The following SERPINB10 variants were observed in gnomAD, a reference collection of about 807,000 sequenced individuals.
The protein encoded by SERPINB10 is serpin family B member 10.
SERPINB10 carries 35 observed loss-of-function variants against 39.1 expected under a neutral mutation model. That is an observed-to-expected ratio of 0.90 (90% CI 0.68 to 1.19). The LOEUF (loss-of-function observed/expected upper bound fraction) is 1.19. Ranked by LOEUF, SERPINB10 falls within the 50% of genes most tolerant of loss-of-function variation. The pLI is 0.00. For missense variants in SERPINB10, 546 were observed against 460.5 expected (o/e 1.19, Z -1.70); for synonymous variants, 190 against 158.1 (o/e 1.20, Z -1.52).
chr18:63,932,614 C>T (rs1327832726), intron 6 of SERPINB10, among the ~76,000 whole-genome samples: 2 of 152,042 alleles, frequency 1.3e-5, no homozygotes, highest in African/African-American at 4.8e-5. Context: ...ATTATTGTCT[C>T]ATATGTTTTG....
At chr18:63,928,683 A>G (rs565106686) in intron 5 of SERPINB10, among the ~76,000 whole-genome samples, 9 of 152,116 alleles carry the variant, frequency 5.9e-5, no homozygotes, top group Admixed American at 3.9e-4. Flanking sequence ...ATGAACATGG[A>G]ATGTTCTTCC....
In SERPINB10 at chr18:63,933,135, C is replaced by A; in HGVS notation, c.721C>A (p.Leu241Ile). ...AAAGCCAAAAGCAGTGGGCCTTCAA[C>A]TCTACTACAAAAGCCGTGACCTCAG... ...IEKPKAVGLQ[L>I]YYKSRDLSLL... The change falls in exon 7 of 8, where the codon CTC (leucine) becomes ATC (isoleucine). Residue 241 changes from leucine (L) to isoleucine (I), a missense_variant. Physicochemically the swap from Leu to Ile is conservative, Grantham distance 5. Transcript: ENST00000238508. 6.2e-7 allele frequency: 1 copy of A among 1,613,984 alleles called. No individual in the cohort carries two copies. The highest frequency in any genetic ancestry group is 8.5e-7 in the Non-Finnish European group (1 of 1,179,904).
In SERPINB10 at chr18:63,936,074, T is replaced by G. The variant is rs2050261360; in HGVS notation, c.*832T>G. Reference sequence around the variant, plus strand: ...ATTATCTCTGCACCTCTTCTGCCAATCTAAAATTATTCCAAAATAAAAGTT... The same window carrying G: ...ATTATCTCTGCACCTCTTCTGCCAAGCTAAAATTATTCCAAAATAAAAGTT... On this transcript the variant is annotated 3_prime_UTR_variant, in exon 8 of 8. Coordinates refer to ENST00000238508, the MANE Select transcript of SERPINB10 (RefSeq NM_005024.3). The G allele has an allele frequency of 6.6e-6, 1 of 152,232 alleles. No homozygotes were observed. The highest frequency in any genetic ancestry group is 1.5e-5 in the Non-Finnish European group (1 of 68,046). The allele number at this position is 152,232 out of a possible 1,614,324, so 9.4% of individuals were successfully genotyped here.
Position 63,930,191 on chromosome 18 carries a change from G to A in SERPINB10, c.633+4G>A. 6.2e-7 allele frequency: 1 copy of A among 1,611,600 alleles called. No individual in the cohort carries two copies. ...AAAGCCTTTTAGAATAAACGAGGTA[G>A]GAAATTTTTAAAGATCAGTTTGGAT... On this transcript the variant is annotated splice_donor_region_variant and intron_variant, in intron 6 of 7. Transcript: ENST00000238508.
At chr18:63,919,387 C>T (rs538093359) in intron 4 of SERPINB10, among the ~76,000 whole-genome samples, 1 of 152,006 alleles carries the variant, frequency 6.6e-6, no homozygotes, top group Non-Finnish European at 1.5e-5. Flanking sequence ...TATCACAAGC[C>T]TCACTTTGGT....
Position 63,935,412 on chromosome 18 carries a change from G to T in SERPINB10, c.*170G>T, listed in dbSNP as rs1568252447. 3.2e-6 allele frequency: 2 copies of T among 624,638 alleles called. No homozygotes were observed. The highest frequency in any genetic ancestry group is 3.7e-5 in the African/African-American group (2 of 53,702). The allele number at this position is 624,638 out of a possible 1,614,324, so 38.7% of individuals were successfully genotyped here. On this transcript the variant is annotated 3_prime_UTR_variant, in exon 8 of 8. Transcript: ENST00000238508. ...GCATTCTAATGATCCTGTCATATCT[G>T]TACAGCTGGAGAGAATGACGATTTT...
intron 5 of SERPINB10, among the ~76,000 whole-genome samples, chr18:63,922,464 T>C (rs1204107429): frequency 6.6e-6 from 1 of 151,962 alleles, no homozygotes; most frequent in Non-Finnish European, 1.5e-5. Context: ...AGAATGGTGC[T>C]GGAGTTGGGC....
chr18:63,910,635 CT>C (rs2050057363), intron 1 of SERPINB10, among the ~76,000 whole-genome samples: 1 of 151,910 alleles, frequency 6.6e-6, no homozygotes, highest in South Asian at 2.1e-4. Context: ...GATTTAATTC[CT>C]TCTTTCGGTT....
chr18:63,924,430 A>G (rs2050166891), intron 5 of SERPINB10, among the ~76,000 whole-genome samples: 1 of 152,022 alleles, frequency 6.6e-6, no homozygotes, highest in Non-Finnish European at 1.5e-5. Context: ...GAAAGTCAAT[A>G]AACACAATTT....
At chr18:63,928,804 G>A (rs1381489740) in intron 5 of SERPINB10, among the ~76,000 whole-genome samples, 1 of 147,204 alleles carries the variant, frequency 6.8e-6, no homozygotes, top group Non-Finnish European at 1.5e-5. Context: ...TCTCTTTGAA[G>A]CAATTGTGAA....
intron 1 of SERPINB10, among the ~76,000 whole-genome samples, chr18:63,911,162 C>T (rs1373053169): frequency 6.6e-6 from 1 of 151,748 alleles, no homozygotes. Flanking sequence ...GAATTAAGTT[C>T]CTTGTACATA....
chr18:63,927,364 T>G (rs1284565467), intron 5 of SERPINB10, among the ~76,000 whole-genome samples: 2 of 152,072 alleles, frequency 1.3e-5, no homozygotes, highest in Non-Finnish European at 2.9e-5. Context: ...ATTGTCTCAG[T>G]CCATTACAGC....
chr18:63,931,914 T>C (rs1374691713), intron 6 of SERPINB10, among the ~76,000 whole-genome samples: 1 of 152,206 alleles, frequency 6.6e-6, no homozygotes. Context: ...CTTCACCTGT[T>C]CATCCATTCC....
chr18:63,920,351 A>G (rs1387126508), intron 5 of SERPINB10, among the ~76,000 whole-genome samples: 1 of 152,054 alleles, frequency 6.6e-6, no homozygotes, highest in Admixed American at 6.6e-5. Flanking sequence ...ACTCTAAAGA[A>G]GAGACCCAAA....
At chr18:63,920,112 C>A (rs748884949) in intron 5 of SERPINB10, among the ~76,000 whole-genome samples, 15 of 151,942 alleles carry the variant, frequency 9.9e-5, no homozygotes, top group Non-Finnish European at 1.6e-4. Context: ...GTAAGTCAGG[C>A]CATCACTTTA....
In SERPINB10 at chr18:63,915,673, GC is replaced by G; in HGVS notation, c.166del (p.Gln56ArgfsTer27). 6.2e-7 allele frequency: 1 copy of G among 1,601,566 alleles called. No individual in the cohort carries two copies. The highest frequency in any genetic ancestry group is 1.3e-5 in the African/African-American group (1 of 74,556). Reference sequence around the variant, plus strand: ...CAAAGGTACCACTGCAGCCCAAATGGCCCAGGTGAGTGGAAAAGGTCAACTA... The same window carrying G: ...CAAAGGTACCACTGCAGCCCAAATGGCCAGGTGAGTGGAAAAGGTCAACTA... Reference protein sequence around the residue: ...GAKGTTAAQMAQVLQFNRDQG... With the variant: ...GAKGTTAAQMXQVLQFNRDQG... On this transcript the variant is annotated frameshift_variant, in exon 2 of 8. Coordinates refer to ENST00000238508, the MANE Select transcript of SERPINB10 (RefSeq NM_005024.3). LOFTEE classifies it high-confidence loss of function.
intron 5 of SERPINB10, among the ~76,000 whole-genome samples, chr18:63,924,908 CA>C (rs1599086394): frequency 6.6e-6 from 1 of 151,832 alleles, no homozygotes; most frequent in Admixed American, 6.6e-5. Context: ...CCTTGTAAAA[CA>C]GCATTTTTGA....
intron 6 of SERPINB10, among the ~76,000 whole-genome samples, chr18:63,930,788 C>T (rs1407917340): frequency 6.6e-6 from 1 of 152,120 alleles, no homozygotes; most frequent in Non-Finnish European, 1.5e-5. Context: ...CTCTGCTTCC[C>T]AGTTCACAAT....
Position 63,934,881 on chromosome 18 carries a change from G to C in SERPINB10, c.833G>C (p.Ser278Thr). The change falls in exon 8 of 8, where the codon AGT becomes ACT. Residue 278 changes from serine (S) to threonine (T), a missense_variant. By Grantham distance (58) the Ser-to-Thr change is moderately conservative (BLOSUM62 1). Transcript: ENST00000238508. ...TATGAGAAGCTGAATGAGTGGACCA[G>C]TGCAGACATGATGGAGTTGTATGAA... is the stretch of plus-strand genomic sequence containing the variant. ...ITYEKLNEWT[S>T]ADMMELYEVQ... The C allele has an allele frequency of 6.2e-7, 1 of 1,614,074 alleles. No individual in the cohort carries two copies. Among genetic ancestry groups the C allele is most frequent in the Middle Eastern group, 1.6e-4 (1 of 6,062 alleles).
Sources: gnomAD v4.1 joint callset for allele counts (sites outside exome capture counted in the v4.1 genomes callset) on GRCh38, gnomAD v4.1.1 for gene constraint, MANE v1.5 for transcripts, NCBI Gene and HGNC (gene_info 2026-07-23, HGNC 2026-07-21) for gene names.